PCTP: variants seen among roughly 807,000 people sequenced by gnomAD.
The protein encoded by PCTP is START domain-containing protein 2.
In PCTP, 27 loss-of-function variants were observed where a neutral mutation model predicts 31.0. That is an observed-to-expected ratio of 0.87 (90% CI 0.64 to 1.20). The LOEUF is 1.20. PCTP is among the 50% of genes most tolerant of loss of function. The pLI is 0.00. For missense variants in PCTP, 287 were observed against 268.2 expected (o/e 1.07, Z -0.49); for synonymous variants, 108 against 101.2 (o/e 1.07, Z -0.40).
chr17:55,766,689 C>A (rs1451407450), intron 1 of PCTP, among the ~76,000 whole-genome samples: 1 of 152,098 alleles, frequency 6.6e-6, no homozygotes, highest in Non-Finnish European at 1.5e-5. Context: ...GGTTCCAAGT[C>A]TTTGCTATTG....
intron 5 of PCTP, among the ~76,000 whole-genome samples, chr17:55,837,265 C>T (rs1401283348): frequency 6.6e-6 from 1 of 152,158 alleles, no homozygotes; most frequent in African/African-American, 2.4e-5. Context: ...AGATTTCAGA[C>T]AATGGCAACC....
At chr17:55,761,409 G>T (rs1910332804) in intron 1 of PCTP, among the ~76,000 whole-genome samples, 1 of 151,524 alleles carries the variant, frequency 6.6e-6, no homozygotes, top group Admixed American at 6.6e-5. Context: ...TCAAGTAGAA[G>T]CCTCTGCCTG....
rs759943097 is a variant in PCTP, at chr17:55,776,097, C to G, written c.642C>G (p.Thr214=). 3 of 1,613,896 alleles carry G rather than the reference C, an allele frequency of 1.9e-6. No individual in the cohort carries two copies. The highest frequency in any genetic ancestry group is 2.5e-6 in the Non-Finnish European group (3 of 1,179,908). ...ARACQNYLKK[T] ...CCTGTCAGAACTACCTCAAGAAAAC[C>G]TAAGAAAGAGAACTGGGAACATTGC... is the stretch of plus-strand genomic sequence containing the variant. Residue 214 remains threonine (T), a synonymous_variant, in exon 6 of 6, where the codon ACC becomes ACG. Transcript: ENST00000268896.
At chr17:55,757,488 ATATG>A (rs1910103833) in intron 1 of PCTP, among the ~76,000 whole-genome samples, 1 of 151,602 alleles carries the variant, frequency 6.6e-6, no homozygotes, top group African/African-American at 2.4e-5. Flanking sequence ...ATGTATATAT[ATATG>A]TGGAAAATAC....
intron 5 of PCTP, among the ~76,000 whole-genome samples, chr17:55,830,059 T>A (rs1905545494): frequency 6.6e-6 from 1 of 152,230 alleles, no homozygotes; most frequent in Non-Finnish European, 1.5e-5. Context: ...TTGAATTCTG[T>A]TGATGAGAAT....
chr17:55,793,068 T>C lies in PCTP; in HGVS notation c.317+5414T>C, dbSNP rs180928943. 3.4e-3 allele frequency among the ~76,000 whole-genome samples: 525 copies of C among 152,202 alleles called. 2 individuals are homozygous for C. Among genetic ancestry groups the C allele is most frequent in the African/African-American group, 0.012 (507 of 41,550 alleles). ...CAGATCACCTATTTTAGAACATCTC[T>C]TCTGTCCTGTGTCCCAACTCTCTGA... On this transcript the variant is annotated intron_variant, in intron 3 of 3. Coordinates refer to the PCTP transcript ENST00000572536.
In PCTP at chr17:55,751,086, A is replaced by G. The variant is rs1164561901; in HGVS notation, c.-18A>G. 2 of 1,523,110 alleles carry G rather than the reference A, an allele frequency of 1.3e-6. No individual in the cohort carries two copies. Among genetic ancestry groups the G allele is most frequent in the Admixed American group, 2.1e-5 (1 of 47,640 alleles). The allele number at this position is 1,523,110 out of a possible 1,614,324, so 94.3% of individuals were successfully genotyped here. ...CCGCGGCCTGCCCTCCAGGCGGAGG[A>G]GCCCGGACTGCGGAAGGATGGAGCT... is the stretch of plus-strand genomic sequence containing the variant. On this transcript the variant is annotated 5_prime_UTR_variant, in exon 1 of 6. Transcript: ENST00000268896.
At chr17:55,794,033 G>A (rs1912097800) in intron 3 of PCTP, among the ~76,000 whole-genome samples, 1 of 152,072 alleles carries the variant, frequency 6.6e-6, no homozygotes, top group South Asian at 2.1e-4. Context: ...AAATGAGAGA[G>A]TTACTCCTAG....
At position 55,758,249 on chromosome 17, in the gene PCTP, G is replaced by T. The variant is rs116647064; in HGVS notation, c.141+7005G>T. Among the ~76,000 whole-genome samples, 672 of 152,304 alleles carry T rather than the reference G, an allele frequency of 4.4e-3. 7 individuals are homozygous for T. The highest frequency in any genetic ancestry group is 0.015 in the African/African-American group (633 of 41,570). On this transcript the variant is annotated intron_variant, in intron 1 of 5. Transcript: ENST00000268896. ...AAGGGGCAGCCTAAATTGTGTTTTT[G>T]TCCTTGAATAGGGCTTCTAATCAAA...
chr17:55,794,607 T>A (rs780133955), intron 3 of PCTP, among the ~76,000 whole-genome samples: 1 of 152,062 alleles, frequency 6.6e-6, no homozygotes, highest in Non-Finnish European at 1.5e-5. Context: ...TAAAAGAAGC[T>A]GACAGAATTG....
chr17:55,751,307 G>A (rs954816106), intron 1 of PCTP, 63 bp downstream of exon 1: 103 of 1,517,154 alleles, frequency 6.8e-5, no homozygotes, highest in Non-Finnish European at 8.6e-5. Flanking sequence ...CCTCCCCGCA[G>A]GGAGTGCGGG....
chr17:55,775,902 T>C (rs746453083), intron 5 of PCTP, 133 bp from the exon 6 acceptor site: 74 of 1,439,486 alleles, frequency 5.1e-5, no homozygotes, highest in Non-Finnish European at 6.0e-5. Context: ...CAACATTCTG[T>C]TGAAATCCAG....
intron 1 of PCTP, among the ~76,000 whole-genome samples, chr17:55,761,736 T>C (rs1029973788): frequency 6.6e-6 from 1 of 151,822 alleles, no homozygotes; most frequent in African/African-American, 2.4e-5. Flanking sequence ...ATGTTGTATC[T>C]CAATTTAATA....
At chr17:55,775,479 T>A in intron 5 of PCTP, 1 of 1,218,952 alleles carries the variant, frequency 8.2e-7, no homozygotes, top group Non-Finnish European at 1.0e-6. Context: ...CAATTTCAAA[T>A]CCTGGCTCTG....
intron 3 of PCTP, among the ~76,000 whole-genome samples, chr17:55,820,466 G>A (rs146707499): frequency 3.9e-5 from 6 of 152,272 alleles, no homozygotes; most frequent in African/African-American, 7.2e-5. Flanking sequence ...TGATAGAAGG[G>A]ATGAAAGGGC....
intron 3 of PCTP, among the ~76,000 whole-genome samples, chr17:55,807,236 T>G (rs940357079): frequency 6.6e-6 from 1 of 152,170 alleles, no homozygotes; most frequent in African/African-American, 2.4e-5. Context: ...CATGACTGCT[T>G]CTTGGAAACC....
chr17:55,754,451 C>T (rs565019007), intron 1 of PCTP, among the ~76,000 whole-genome samples: 1 of 152,286 alleles, frequency 6.6e-6, no homozygotes, highest in East Asian at 1.9e-4. Context: ...AACTTCCATG[C>T]CCTCCTTGGA....
intron 1 of PCTP, among the ~76,000 whole-genome samples, chr17:55,755,117 C>T (rs554045873): frequency 3.9e-5 from 6 of 152,212 alleles, no homozygotes; most frequent in African/African-American, 1.4e-4. Context: ...AGATTTCCAT[C>T]TATGGAAATG....
chr17:55,803,554 C>G (rs1912462218), intron 3 of PCTP, among the ~76,000 whole-genome samples: 1 of 152,120 alleles, frequency 6.6e-6, no homozygotes, highest in African/African-American at 2.4e-5. Flanking sequence ...GAAATAGTGC[C>G]ACACATCTAC....
Sources: gnomAD v4.1 joint callset for allele counts (sites outside exome capture counted in the v4.1 genomes callset) on GRCh38, gnomAD v4.1.1 for gene constraint, MANE v1.5 for transcripts, NCBI Gene and HGNC (gene_info 2026-07-23, HGNC 2026-07-21) for gene names.